The following RFX3 variants were observed in gnomAD, a reference collection of about 807,000 sequenced individuals.
The protein encoded by RFX3 is regulatory factor X3, also known as transcription factor RFX3.
Under a neutral mutation model 98.6 loss-of-function variants are expected in RFX3, and 14 were observed. The observed-to-expected ratio is 0.14, with a 90% confidence interval of 0.09 to 0.22. RFX3 has a LOEUF of 0.22. Among genes scored for constraint, RFX3 ranks in the 10% least tolerant of loss-of-function variants. The pLI is 1.00. For synonymous variants in RFX3, 383 were observed against 328.4 expected, an observed-to-expected ratio of 1.17 and a Z score of -1.80; for missense variants, 639 against 926.9, an observed-to-expected ratio of 0.69 and a Z score of 4.03.
chr9:3,469,706 C>T (rs574889406), intron 1 of RFX3, among the ~76,000 whole-genome samples: 1 of 152,124 alleles, frequency 6.6e-6, no homozygotes, highest in South Asian at 2.1e-4. Context: ...ATAAATTCAA[C>T]CGTACAAAAT....
chr9:3,292,891 T>C (rs1244653876), intron 6 of RFX3, among the ~76,000 whole-genome samples, 186 bp downstream of exon 6: 3 of 152,196 alleles, frequency 2.0e-5, no homozygotes, highest in African/African-American at 4.8e-5. Context: ...CAACATATAA[T>C]TGTGGCTTGG....
chr9:3,515,707 A>G (rs929803356), intron 1 of RFX3, among the ~76,000 whole-genome samples: 1 of 152,238 alleles, frequency 6.6e-6, no homozygotes, highest in African/African-American at 2.4e-5. Flanking sequence ...TGAACATTAA[A>G]GTAAACTATG....
At chr9:3,381,297 G>T (rs1294680989) in intron 2 of RFX3, among the ~76,000 whole-genome samples, 1 of 151,798 alleles carries the variant, frequency 6.6e-6, no homozygotes, top group East Asian at 1.9e-4. Flanking sequence ...TCGTAAACAG[G>T]ACTGTAATCG....
At chr9:3,426,925 T>C (rs1844093446) in intron 1 of RFX3, among the ~76,000 whole-genome samples, 1 of 152,090 alleles carries the variant, frequency 6.6e-6, no homozygotes, top group Admixed American at 6.5e-5. Context: ...CATGTTAAAA[T>C]TGTCTTCCAT....
chr9:3,256,482 C>G lies in RFX3; in HGVS notation c.1814+509G>C, dbSNP rs1586763101. Among the ~76,000 whole-genome samples the G allele has an allele frequency of 4.6e-5, 7 of 152,210 alleles. No individual in the cohort carries two copies. The South Asian group carries it at 1.5e-3, about 32-fold the overall frequency. On this transcript the variant is annotated intron_variant, in intron 14 of 16. Coordinates refer to ENST00000617270, the MANE Select transcript of RFX3 (RefSeq NM_001282116.2). ...CTTTTTAAAACATAAATTGCTGGGC[C>G]TTACCTCTACAGGTTCTGATACAGG...
intron 15 of RFX3, among the ~76,000 whole-genome samples, chr9:3,244,798 A>G (rs1820424257): frequency 6.6e-6 from 1 of 152,232 alleles, no homozygotes; most frequent in Non-Finnish European, 1.5e-5. Flanking sequence ...CAAAGTTTGT[A>G]GCTATAGTTA....
chr9:3,301,681 G>T, intron 4 of RFX3, 61 bp from the exon 5 acceptor site: 2 of 1,167,384 alleles, frequency 1.7e-6, no homozygotes, highest in Non-Finnish European at 2.5e-6. Context: ...AGGCTGACCA[G>T]AGAATTTCTG....
rs1832446705 is a variant in RFX3, at chr9:3,330,349, G to C, written c.384C>G (p.Ile128Met). ...IQMGVTGGQL[I>M]SSSGGTYLIG... is the part of the protein sequence containing the mutation. ...TCAGATAGGTTCCTCCAGAGCTGCT[G>C]ATGAGTTGTCCTCCTGTGACGCCCA... Residue 128 changes from isoleucine (I) to methionine (M), a missense_variant, in exon 4 of 17, where the codon ATC (isoleucine) becomes ATG (methionine). Physicochemically the swap from Ile to Met is conservative, Grantham distance 10. This residue lies in a region of RFX3 where 210 missense variants were observed against 197.7 expected (regional missense o/e 1.06). Transcript: ENST00000617270. 10 of 1,614,114 alleles carry C rather than the reference G, an allele frequency of 6.2e-6. No individual in the cohort carries two copies. The highest frequency in any genetic ancestry group is 7.6e-6 in the Non-Finnish European group (9 of 1,180,018).
chr9:3,235,117 A>G (rs1818962348), intron 15 of RFX3, among the ~76,000 whole-genome samples: 1 of 152,256 alleles, frequency 6.6e-6, no homozygotes, highest in Non-Finnish European at 1.5e-5. Context: ...AAAAGATTTC[A>G]TTAAAGTTTG....
chr9:3,332,890 T>C (rs1832755915), intron 3 of RFX3, among the ~76,000 whole-genome samples: 2 of 150,662 alleles, frequency 1.3e-5, no homozygotes, highest in Admixed American at 1.3e-4. Context: ...CTAATCATTC[T>C]TAAGCTCTCA....
intron 1 of RFX3, among the ~76,000 whole-genome samples, chr9:3,418,087 G>C (rs1843128771): frequency 6.6e-6 from 1 of 152,168 alleles, no homozygotes; most frequent in African/African-American, 2.4e-5. Context: ...ACAATGAATA[G>C]GAGTGCTGAA....
At chr9:3,422,614 G>T (rs980013597) in intron 1 of RFX3, among the ~76,000 whole-genome samples, 1 of 152,126 alleles carries the variant, frequency 6.6e-6, no homozygotes, top group Non-Finnish European at 1.5e-5. Context: ...CATTCAATAT[G>T]CCAGTTAAGA....
At chr9:3,342,870 G>T (rs550934815) in intron 3 of RFX3, among the ~76,000 whole-genome samples, 3 of 152,218 alleles carry the variant, frequency 2.0e-5, no homozygotes, top group Non-Finnish European at 2.9e-5. Flanking sequence ...ATACACAAAT[G>T]ATGTAGCATG....
intron 2 of RFX3, among the ~76,000 whole-genome samples, chr9:3,362,823 A>G (rs977032499): frequency 2.0e-5 from 3 of 152,240 alleles, no homozygotes; most frequent in African/African-American, 7.2e-5. Context: ...GACTGGCATC[A>G]AAGAGCAGAA....
At chr9:3,461,007 T>G (rs1049076029) in intron 1 of RFX3, among the ~76,000 whole-genome samples, 3 of 151,606 alleles carry the variant, frequency 2.0e-5, no homozygotes, top group Non-Finnish European at 3.0e-5. Flanking sequence ...ATTTATAAAA[T>G]CTGGTAGTTT....
At chr9:3,401,809 T>C (rs1287490124) in intron 1 of RFX3, among the ~76,000 whole-genome samples, 2 of 152,198 alleles carry the variant, frequency 1.3e-5, no homozygotes, top group African/African-American at 4.8e-5. Context: ...CAGCCAGCTC[T>C]GGCTGAATCA....
intron 4 of RFX3, among the ~76,000 whole-genome samples, chr9:3,316,346 C>G (rs977271424): frequency 5.3e-5 from 8 of 152,092 alleles, no homozygotes; most frequent in African/African-American, 1.9e-4. Context: ...TAAAAAATCT[C>G]AATAAACTAG....
chr9:3,443,381 G>C (rs951681799), intron 1 of RFX3, among the ~76,000 whole-genome samples: 3 of 152,100 alleles, frequency 2.0e-5, no homozygotes, highest in Non-Finnish European at 4.4e-5. Flanking sequence ...ACAGGCCCCA[G>C]TGAATGTTGT....
At chr9:3,271,763 C>T (rs1011371593) in intron 9 of RFX3, among the ~76,000 whole-genome samples, 1 of 152,156 alleles carries the variant, frequency 6.6e-6, no homozygotes, top group South Asian at 2.1e-4. Context: ...GGAGTTAGGG[C>T]TGAATTAGCT....
Sources: allele counts gnomAD v4.1 joint callset (sites outside exome capture counted in the v4.1 genomes callset), GRCh38; gene constraint gnomAD v4.1.1; regional missense constraint gnomAD v4.1.1; transcripts MANE v1.5; gene names NCBI Gene and HGNC (gene_info 2026-07-23, HGNC 2026-07-21).